Variants in ADCY2 observed in about 807,000 individuals in gnomAD.
ADCY2 encodes the protein adenylate cyclase 2, also known as adenylate cyclase type 2.
In ADCY2, 31 loss-of-function variants were observed where a neutral mutation model predicts 125.2. The ratio of observed to expected loss-of-function variants is 0.25; its 90% CI spans 0.19 to 0.33. The LOEUF is 0.33. Among genes scored for constraint, ADCY2 ranks in the 10% least tolerant of loss-of-function variants. ADCY2 has a pLI of 1.00. For missense variants in ADCY2, 904 were observed against 1,418.2 expected, an observed-to-expected ratio of 0.64 and a Z score of 5.82; for synonymous variants, 512 against 548.4, an observed-to-expected ratio of 0.93 and a Z score of 0.93.
chr5:7,456,920 C>T (rs1208047866), intron 2 of ADCY2, among the ~76,000 whole-genome samples: 6 of 152,020 alleles, frequency 3.9e-5, no homozygotes, highest in Non-Finnish European at 8.8e-5. Flanking sequence ...ATTCTCATTC[C>T]GCTTGTTTGT....
chr5:7,488,911 G>A (rs924305224), intron 2 of ADCY2, among the ~76,000 whole-genome samples: 1 of 152,112 alleles, frequency 6.6e-6, no homozygotes, highest in Admixed American at 6.5e-5. Context: ...GTGCAACCCC[G>A]AGGGACCCAT....
At chr5:7,504,411 G>A (rs535983330) in intron 2 of ADCY2, among the ~76,000 whole-genome samples, 1 of 152,068 alleles carries the variant, frequency 6.6e-6, no homozygotes, top group Non-Finnish European at 1.5e-5. Context: ...GTGAAAATAC[G>A]CAGTGTGAAA....
intron 16 of ADCY2, 52 bp from the exon 17 acceptor site, chr5:7,766,635 G>A (rs1344071713): frequency 2.5e-6 from 4 of 1,593,954 alleles, no homozygotes; most frequent in Non-Finnish European, 3.4e-6. Context: ...CCACCTGCTA[G>A]TTATTTAATC....
At chr5:7,811,888 G>A (rs1435474409) in intron 22 of ADCY2, among the ~76,000 whole-genome samples, 1 of 152,246 alleles carries the variant, frequency 6.6e-6, no homozygotes, top group Non-Finnish European at 1.5e-5. Context: ...ACCACTCCGA[G>A]TTAGGACCTT....
At chr5:7,684,781 T>TA (rs1157289921) in intron 4 of ADCY2, among the ~76,000 whole-genome samples, 2 of 151,754 alleles carry the variant, frequency 1.3e-5, no homozygotes, top group Admixed American at 1.3e-4. Flanking sequence ...GTGCCTTTTT[T>TA]TTTTTTTTGT....
intron 15 of ADCY2, among the ~76,000 whole-genome samples, chr5:7,744,605 A>G (rs1412103534): frequency 6.6e-6 from 1 of 152,230 alleles, no homozygotes; most frequent in Non-Finnish European, 1.5e-5. Context: ...GAGCATCGTA[A>G]GGATGCAAAC....
At chr5:7,411,901 C>T (rs1739731198) in intron 1 of ADCY2, among the ~76,000 whole-genome samples, 2 of 152,086 alleles carry the variant, frequency 1.3e-5, no homozygotes, top group African/African-American at 4.8e-5. Flanking sequence ...CGGTGAAACC[C>T]CGTCTCTACT....
chr5:7,751,917 C>G (rs1235660259), intron 15 of ADCY2, among the ~76,000 whole-genome samples: 1 of 152,102 alleles, frequency 6.6e-6, no homozygotes, highest in East Asian at 1.9e-4. Context: ...TTGAGTCCAT[C>G]ATTAAAAATA....
chr5:7,773,576 C>G (rs532253313), intron 18 of ADCY2, among the ~76,000 whole-genome samples: 1 of 152,054 alleles, frequency 6.6e-6, no homozygotes, highest in Admixed American at 6.5e-5. Flanking sequence ...GCAAAATGGC[C>G]CTCAGTTCAA....
intron 7 of ADCY2, among the ~76,000 whole-genome samples, chr5:7,704,564 T>G (rs1311377155): frequency 6.6e-6 from 1 of 152,088 alleles, no homozygotes; most frequent in African/African-American, 2.4e-5. Context: ...ATCATGTAAA[T>G]TGAATATACA....
intron 15 of ADCY2, among the ~76,000 whole-genome samples, chr5:7,751,553 G>T (rs555072994): frequency 6.6e-6 from 1 of 152,176 alleles, no homozygotes; most frequent in South Asian, 2.1e-4. Context: ...CTTCAATTTG[G>T]AATTCTTATT....
At chr5:7,784,678 A>G (rs1376607855) in intron 19 of ADCY2, among the ~76,000 whole-genome samples, 1 of 152,184 alleles carries the variant, frequency 6.6e-6, no homozygotes, top group Non-Finnish European at 1.5e-5. Context: ...TGAATGGCCA[A>G]AATTTTAATC....
At chr5:7,743,093 A>G (rs1742488031) in intron 14 of ADCY2, among the ~76,000 whole-genome samples, 2 of 152,142 alleles carry the variant, frequency 1.3e-5, no homozygotes, top group Non-Finnish European at 2.9e-5. Flanking sequence ...CATGTTTTTC[A>G]CATGATCATG....
In ADCY2 at chr5:7,828,633, T is replaced by C. The variant is rs183202972; in HGVS notation, c.*1762T>C. The C allele has an allele frequency of 5.9e-5, 9 of 152,478 alleles. No homozygotes were observed. The East Asian group carries it at 1.5e-3, about 25-fold the overall frequency. 9.4% of individuals were successfully genotyped at this position (152,478 alleles called of 1,614,324 possible). A position where few individuals can be genotyped will look rare whatever the true frequency, so the allele number is the denominator to read the frequency against. On this transcript the variant is annotated 3_prime_UTR_variant, in exon 25 of 25. Coordinates refer to ENST00000338316, the MANE Select transcript of ADCY2 (RefSeq NM_020546.3). ...CTCAATGGGGAATTTTTTGATCCTG[T>C]AATCACAACTCAGCATTGGCCTTAA...
At chr5:7,498,723 A>G (rs1743437734) in intron 2 of ADCY2, among the ~76,000 whole-genome samples, 1 of 152,238 alleles carries the variant, frequency 6.6e-6, no homozygotes, top group Non-Finnish European at 1.5e-5. Context: ...TATGTACAAG[A>G]ATGTTCACAG....
intron 4 of ADCY2, among the ~76,000 whole-genome samples, chr5:7,667,250 T>A (rs10462644): frequency 0.77 from 117,477 of 151,890 alleles, 46,029 homozygotes; most frequent in Non-Finnish European, 0.85. Flanking sequence ...CGGGGATGAC[T>A]GACATGTCTT....
At chr5:7,569,805 G>A (rs952875251) in intron 3 of ADCY2, among the ~76,000 whole-genome samples, 3 of 152,140 alleles carry the variant, frequency 2.0e-5, no homozygotes, top group African/African-American at 7.2e-5. Flanking sequence ...GAGAAGGAAA[G>A]AAGACTGATG....
chr5:7,443,900 C>T (rs1374212095), intron 2 of ADCY2, among the ~76,000 whole-genome samples: 1 of 151,752 alleles, frequency 6.6e-6, no homozygotes, highest in East Asian at 1.9e-4. Context: ...GTTGTGTTGA[C>T]TTTGTTTTAA....
Position 7,574,838 on chromosome 5 carries a change from T to C in ADCY2, c.571-51329T>C, listed in dbSNP as rs935623462. ...AAATTTAGTTTCTAAGAATGGTTAT[T>C]GAATTAGAATGGCAAAGATTAGAAA... is the stretch of plus-strand genomic sequence containing the variant. On this transcript the variant is annotated intron_variant, in intron 3 of 24. Transcript: ENST00000338316. Among the ~76,000 whole-genome samples the C allele has an allele frequency of 2.0e-5, 3 of 152,276 alleles. No individual in the cohort carries two copies. In the East Asian group the frequency reaches 5.8e-4, roughly 29 times the overall value.
Sources: allele counts gnomAD v4.1 joint callset (sites outside exome capture counted in the v4.1 genomes callset), GRCh38; gene constraint gnomAD v4.1.1; transcripts MANE v1.5; gene names NCBI Gene and HGNC (gene_info 2026-07-23, HGNC 2026-07-21).